Variants in RNASEH2B observed in about 807,000 individuals in gnomAD.
RNASEH2B encodes Aicardi-Goutieres syndrome 2 protein.
Under a neutral mutation model 45.0 loss-of-function variants are expected in RNASEH2B, and 36 were observed. That is an observed-to-expected ratio of 0.80 (90% confidence interval 0.61 to 1.06). The LOEUF (loss-of-function observed/expected upper bound fraction) is 1.06. Among genes scored for constraint, RNASEH2B ranks in the 50% least tolerant of loss-of-function variants. The probability of loss-of-function intolerance (pLI) is 0.00; values close to 1 mark genes in which losing one functional copy is unlikely to be tolerated. For synonymous variants in RNASEH2B, 119 were observed against 125.7 expected, an observed-to-expected ratio of 0.95 and a Z score of 0.35; for missense variants, 361 against 360.3, an observed-to-expected ratio of 1.00 and a Z score of -0.02.
chr13:50,954,712 G>C (rs1952023039), intron 10 of RNASEH2B: 1 of 152,076 alleles, frequency 6.6e-6, no homozygotes, highest in South Asian at 2.1e-4. Context: ...TTTGAACTAA[G>C]ACTAAGAGCT....
At chr13:50,949,562 C>G (rs1175259161) in intron 9 of RNASEH2B, 57 bp downstream of exon 9, 2 of 1,457,894 alleles carry the variant, frequency 1.4e-6, no homozygotes, top group Non-Finnish European at 1.9e-6. Context: ...TACACTCTTA[C>G]CACATGAGTT....
chr13:50,950,505 T>C (rs1951963141), intron 9 of RNASEH2B: 1 of 152,164 alleles, frequency 6.6e-6, no homozygotes, highest in Admixed American at 6.5e-5. Flanking sequence ...TGGGCAGAAG[T>C]CTGTTGCTGT....
chr13:50,961,742 A>G (rs1952113772), downstream of RNASEH2B, among the ~76,000 whole-genome samples: 1 of 152,148 alleles, frequency 6.6e-6, no homozygotes, highest in African/African-American at 2.4e-5. Context: ...CAACATGTAC[A>G]CACACATATA....
intron 6 of RNASEH2B, among the ~76,000 whole-genome samples, chr13:50,944,134 AT>A (rs913620589): frequency 6.6e-6 from 1 of 151,864 alleles, no homozygotes; most frequent in African/African-American, 2.4e-5. Context: ...TGTGAAATGT[AT>A]TTATATGTGT....
chr13:50,928,932 C>CTT (rs35147830), intron 2 of RNASEH2B, among the ~76,000 whole-genome samples: 1,573 of 87,740 alleles, frequency 0.018, 17 homozygotes, highest in African/African-American at 0.033. Context: ...TGCCTCCTCC[C>CTT]TTTTTTTTTT....
downstream of RNASEH2B, among the ~76,000 whole-genome samples, chr13:50,959,049 AC>A (rs1369256573): frequency 1.3e-5 from 2 of 152,174 alleles, no homozygotes; most frequent in African/African-American, 4.8e-5. Context: ...AAGTGTAAAA[AC>A]ATTTTATTGT....
At chr13:50,930,538 A>T (rs529542876) in intron 3 of RNASEH2B, 145 bp from the exon 4 acceptor site, 1 of 709,992 alleles carries the variant, frequency 1.4e-6, no homozygotes, top group Admixed American at 2.0e-5. Context: ...AATCACATAG[A>T]CTCTGAGGCC....
At chr13:50,955,439 A>G (rs1165075659) in intron 10 of RNASEH2B, 1 of 152,172 alleles carries the variant, frequency 6.6e-6, no homozygotes, top group African/African-American at 2.4e-5. Context: ...CACTTATTGT[A>G]TCCACTTGGG....
At chr13:50,926,798 C>T (rs1055711335) in intron 1 of RNASEH2B, among the ~76,000 whole-genome samples, 3 of 149,114 alleles carry the variant, frequency 2.0e-5, no homozygotes, top group African/African-American at 5.0e-5. Flanking sequence ...AAAACATAGT[C>T]GATATCCTTA....
In RNASEH2B at chr13:50,949,463, G is replaced by T. The variant is rs768783637; in HGVS notation, c.699G>T (p.Lys233Asn). The stretch of plus-strand genomic sequence containing the variant: ...TGATTGTTATTTTTAACTTTCTTAG[G>T]CTTCCAGAACCTTCAGCCTCATTGC... ...ELSDDLSKYLKLPEPSASLPN... is the reference protein window; with the variant it reads ...ELSDDLSKYLNLPEPSASLPN... The change falls in exon 9 of 11, where the codon AAG (lysine) becomes AAT (asparagine). Residue 233 changes from lysine (K) to asparagine (N), a missense_variant and splice_region_variant. Transcript: ENST00000336617. 6.2e-7 allele frequency: 1 copy of T among 1,613,136 alleles called. No homozygotes were observed. Among genetic ancestry groups the T allele is most frequent in the Admixed American group, 1.7e-5 (1 of 59,946 alleles).
rs1593465708 is a variant in RNASEH2B at position 50,938,136 on chromosome 13, A to G, written c.436+3137A>G. The G allele has an allele frequency of 2.6e-5, 4 of 152,226 alleles. No homozygotes were observed. In the East Asian group the frequency reaches 7.7e-4, roughly 29 times the overall value. 9.4% of individuals were successfully genotyped at this position (152,226 alleles called of 1,614,324 possible). A position where few individuals can be genotyped will look rare whatever the true frequency, so the allele number is the denominator to read the frequency against. On this transcript the variant is annotated intron_variant, in intron 5 of 10. Coordinates refer to ENST00000336617, the MANE Select transcript of RNASEH2B (RefSeq NM_024570.4). Reference sequence around the variant, plus strand: ...TTGTGTTTCTATATACTGACATTGAACAATTGGATAATGGAATAAAAACAT... The same window carrying G: ...TTGTGTTTCTATATACTGACATTGAGCAATTGGATAATGGAATAAAAACAT...
At chr13:50,929,875 T>C (rs1951654595) in intron 3 of RNASEH2B, among the ~76,000 whole-genome samples, 1 of 152,206 alleles carries the variant, frequency 6.6e-6, no homozygotes, top group Non-Finnish European at 1.5e-5. Flanking sequence ...ATGGGGCACA[T>C]ATTGTGTTGA....
rs35595258 is a variant in RNASEH2B at position 50,929,527 on chromosome 13, A to G, written c.189A>G (p.Val63=). Residue 63 remains valine (V), a synonymous_variant, in exon 3 of 11, where the codon GTA becomes GTG. Coordinates refer to ENST00000336617, the MANE Select transcript of RNASEH2B (RefSeq NM_024570.4). Reference sequence around the variant, plus strand: ...TGTGTCTACAGCAGCTGTTTGAAGTAAAAGTTTTCAAGGAAAAACACCATT... The same window carrying G: ...TGTGTCTACAGCAGCTGTTTGAAGTGAAAGTTTTCAAGGAAAAACACCATT... ...FNMCLQQLFE[V]KVFKEKHHSW... 3,089 of 1,613,782 alleles carry G rather than the reference A, an allele frequency of 1.9e-3. 56 individuals are homozygous for G. The African/African-American group carries it at 0.034, about 18-fold the overall frequency.
At position 50,929,502 on chromosome 13, in the gene RNASEH2B, T is replaced by C. The variant is rs374465686; in HGVS notation, c.164T>C (p.Met55Thr). Residue 55 changes from methionine (M) to threonine (T), a missense_variant, in exon 3 of 11, where the codon ATG becomes ACG. Met to Thr is a moderately conservative substitution (Grantham distance 81, BLOSUM62 -1). Coordinates refer to ENST00000336617, the MANE Select transcript of RNASEH2B (RefSeq NM_024570.4). Reference protein sequence around the residue: ...SGEGAIYLFNMCLQQLFEVKV... With the variant: ...SGEGAIYLFNTCLQQLFEVKV... ...GAAGGAGCCATTTACTTGTTCAATA[T>C]GTGTCTACAGCAGCTGTTTGAAGTA... The C allele has an allele frequency of 3.1e-6, 5 of 1,613,676 alleles. No homozygotes were observed. Among genetic ancestry groups the C allele is most frequent in the African/African-American group, 1.3e-5 (1 of 75,044 alleles).
chr13:50,934,146 A>G (rs561312465), intron 4 of RNASEH2B: 72 of 152,506 alleles, frequency 4.7e-4, no homozygotes, highest in African/African-American at 1.7e-3. Context: ...TAATACCTTA[A>G]TTTAGACAAA....
intron 2 of RNASEH2B, 133 bp from the exon 3 acceptor site, chr13:50,929,342 T>C (rs1951645916): frequency 2.9e-6 from 2 of 678,300 alleles, no homozygotes; most frequent in East Asian, 5.4e-5. Flanking sequence ...ATCAGTTTTT[T>C]AGAATAGACC....
chr13:50,969,890 C>G, intron 9 of RNASEH2B: 1 of 1,541,732 alleles, frequency 6.5e-7, no homozygotes, highest in Non-Finnish European at 8.8e-7. Flanking sequence ...GTGACTGTTT[C>G]TCCTCACCAG....
rs138940631 is a variant in RNASEH2B, at chr13:50,922,432, G to T, written c.65-4975G>T. 3.9e-5 allele frequency among the ~76,000 whole-genome samples: 6 copies of T among 152,212 alleles called. No individual in the cohort carries two copies. The East Asian group carries it at 1.2e-3, about 29-fold the overall frequency. ...GAGAAGGCAATAAATACAAGCTAAG[G>T]CAGAAGATTAAAGTGCCCAACTGTT... On this transcript the variant is annotated intron_variant, in intron 1 of 10. Coordinates refer to ENST00000336617, the MANE Select transcript of RNASEH2B (RefSeq NM_024570.4).
At chr13:50,939,655 G>T in intron 5 of RNASEH2B, among the ~76,000 whole-genome samples, 1 of 151,766 alleles carries the variant, frequency 6.6e-6, no homozygotes, top group African/African-American at 2.4e-5. Context: ...TTTTCCAAAA[G>T]TGTGAAGATA....
Sources: allele counts gnomAD v4.1 joint callset (sites outside exome capture counted in the v4.1 genomes callset), GRCh38; gene constraint gnomAD v4.1.1; transcripts MANE v1.5; gene names NCBI Gene and HGNC (gene_info 2026-07-23, HGNC 2026-07-21).